Variants in FRZB observed in about 807,000 individuals in gnomAD.
FRZB encodes frizzled related protein.
Under a neutral mutation model 32.5 loss-of-function variants are expected in FRZB, and 34 were observed. That is an observed-to-expected ratio of 1.05 (90% CI 0.80 to 1.39). The LOEUF is 1.39. FRZB is among the 40% of genes most tolerant of loss of function. The pLI is 0.00. For synonymous variants in FRZB, 170 were observed against 159.2 expected, an observed-to-expected ratio of 1.07 and a Z score of -0.51; for missense variants, 423 against 424.8, an observed-to-expected ratio of 1.00 and a Z score of 0.04.
intron 1 of FRZB, among the ~76,000 whole-genome samples, chr2:182,862,510 A>G (rs146960359): frequency 6.6e-6 from 1 of 152,216 alleles, no homozygotes; most frequent in Admixed American, 6.5e-5. Flanking sequence ...CTAACTTTAT[A>G]TATTTAGAAG....
chr2:182,852,725 C>G (rs556851511), intron 2 of FRZB, among the ~76,000 whole-genome samples: 4 of 152,260 alleles, frequency 2.6e-5, no homozygotes, highest in South Asian at 2.1e-4. Flanking sequence ...GATCAAGTGA[C>G]TAGGTGAAAT....
rs12613404 is a variant in FRZB at position 182,853,430 on chromosome 2, C to A, written c.526+5356G>T. Among the ~76,000 whole-genome samples, 575 of 152,246 alleles carry A rather than the reference C, an allele frequency of 3.8e-3. 4 individuals carry two copies. Among genetic ancestry groups the A allele is most frequent in the East Asian group, 0.023 (118 of 5,186 alleles). Reference sequence around the variant, plus strand: ...CCAATTGCAGTTTTATACAAATGAGCTTTTCAGTTCGGGTTGAGAAAACAT... The same window carrying A: ...CCAATTGCAGTTTTATACAAATGAGATTTTCAGTTCGGGTTGAGAAAACAT... On this transcript the variant is annotated intron_variant, in intron 2 of 5. Transcript: ENST00000295113.
chr2:182,865,810 G>A (rs2105766683), intron 1 of FRZB, among the ~76,000 whole-genome samples: 1 of 152,320 alleles, frequency 6.6e-6, no homozygotes, highest in Non-Finnish European at 1.5e-5. Context: ...GATGGGTTTG[G>A]AATGCATGGA....
Position 182,866,293 on chromosome 2 carries a change from A to G in FRZB, c.260T>C (p.Phe87Ser). 17 of 1,614,164 alleles carry G rather than the reference A, an allele frequency of 1.1e-5. No homozygotes were observed. The highest frequency in any genetic ancestry group is 1.4e-5 in the Non-Finnish European group (16 of 1,180,024). Residue 87 changes from phenylalanine (F) to serine (S), a missense_variant, in exon 1 of 6, where the codon TTC becomes TCC. Physicochemically the swap from Phe to Ser is radical, Grantham distance 155 (BLOSUM62 -2). Transcript: ENST00000295113. The surrounding 1 kb of genome is among the most constrained non-coding windows in gnomAD (Gnocchi z 4.5). ...GTHCSPDLLF[F>S]LCAMYAPICT... is the part of the protein sequence containing the mutation. ...GATGGGCGCGTACATGGCACAGAGG[A>G]AGAAGAGCAGATCGGGGCTGCAGTG...
chr2:182,837,884 T>C (rs1695544720), intron 5 of FRZB, 64 bp downstream of exon 5: 3 of 1,249,214 alleles, frequency 2.4e-6, no homozygotes, highest in Non-Finnish European at 3.5e-6. Flanking sequence ...CAATGACAGA[T>C]GGCTGGTTTT....
chr2:182,843,693 TG>T (rs1044327410), intron 2 of FRZB, among the ~76,000 whole-genome samples: 24 of 152,024 alleles, frequency 1.6e-4, no homozygotes, highest in Admixed American at 7.9e-4. Flanking sequence ...GAGGCCAACA[TG>T]GTGGGGGAAA....
At position 182,866,406 on chromosome 2, in the gene FRZB, G is replaced by A. The variant is rs1352591322; in HGVS notation, c.147C>T (p.Asn49=). 13 of 1,610,956 alleles carry A rather than the reference G, an allele frequency of 8.1e-6. No individual in the cohort carries two copies. Among genetic ancestry groups the A allele is most frequent in the Non-Finnish European group, 1.1e-5 (13 of 1,177,934 alleles). ...RIPLCKSLPW[N]MTKMPNHLHH... ...GCAGGTGGTTGGGCATCTTAGTCATGTTCCAGGGCAGGGACTTGCACAGGG... is the reference window on the plus strand; with the variant it reads ...GCAGGTGGTTGGGCATCTTAGTCATATTCCAGGGCAGGGACTTGCACAGGG... The change falls in exon 1 of 6, where the codon AAC becomes AAT. Residue 49 remains asparagine, a synonymous_variant. Transcript: ENST00000295113. The surrounding 1 kb of genome is among the most constrained non-coding windows in gnomAD (Gnocchi z 4.5).
chr2:182,834,811 AT>A lies in FRZB; in HGVS notation c.*37del. ...AGTCCAGCAATGCAAGTAAGTCTTAATAGGAAGTCCACTGTGTTACTTTTTG... is the reference window on the plus strand; with the variant it reads ...AGTCCAGCAATGCAAGTAAGTCTTAAAGGAAGTCCACTGTGTTACTTTTTG... On this transcript the variant is annotated 3_prime_UTR_variant, in exon 6 of 6. Coordinates refer to ENST00000295113, the MANE Select transcript of FRZB (RefSeq NM_001463.4). 2.1e-6 allele frequency: 3 copies of A among 1,429,880 alleles called. No homozygotes were observed. The highest frequency in any genetic ancestry group is 3.0e-6 in the Non-Finnish European group (3 of 1,012,794). The allele number at this position is 1,429,880 out of a possible 1,614,324, so 88.6% of individuals were successfully genotyped here.
intron 2 of FRZB, among the ~76,000 whole-genome samples, chr2:182,849,190 G>A (rs374036097): frequency 3.9e-4 from 60 of 151,930 alleles, no homozygotes; most frequent in African/African-American, 1.4e-3. Flanking sequence ...TCGCGCCACT[G>A]CACTCCAGCC....
At chr2:182,842,244 G>A (rs1389427296) in intron 3 of FRZB, among the ~76,000 whole-genome samples, 1 of 152,144 alleles carries the variant, frequency 6.6e-6, no homozygotes, top group African/African-American at 2.4e-5. Context: ...CATGGCTCTA[G>A]GATGACAATA....
intron 1 of FRZB, among the ~76,000 whole-genome samples, chr2:182,864,593 G>A (rs1695869893): frequency 6.6e-6 from 1 of 152,242 alleles, no homozygotes; most frequent in Non-Finnish European, 1.5e-5. Context: ...GATAAACTAA[G>A]TGAGGTCACC....
rs541564082 is a variant in FRZB at position 182,866,319 on chromosome 2, G to C, written c.234C>G (p.Thr78=). 1.2e-6 allele frequency: 2 copies of C among 1,614,248 alleles called. No individual in the cohort carries two copies. Residue 78 remains threonine, a synonymous_variant, in exon 1 of 6, where the codon ACC becomes ACG. Coordinates refer to ENST00000295113, the MANE Select transcript of FRZB (RefSeq NM_001463.4). The surrounding 1 kb of genome is among the most constrained non-coding windows in gnomAD (Gnocchi z 4.5). ...AGAAGAGCAGATCGGGGCTGCAGTG[G>C]GTGCCCAGCAGACCTTCGAACTGCT... ...AIEQFEGLLG[T]HCSPDLLFFL...
At chr2:182,853,441 G>A (rs1297498771) in intron 2 of FRZB, among the ~76,000 whole-genome samples, 4 of 152,022 alleles carry the variant, frequency 2.6e-5, no homozygotes, top group African/African-American at 9.7e-5. Flanking sequence ...TTTTCAGTTC[G>A]GGTTGAGAAA....
intron 3 of FRZB, among the ~76,000 whole-genome samples, chr2:182,839,119 T>C (rs1218002641): frequency 6.6e-6 from 1 of 152,078 alleles, no homozygotes; most frequent in Admixed American, 6.6e-5. Flanking sequence ...GCCTCTGTAA[T>C]GTTATAAAAT....
Position 182,866,213 on chromosome 2 carries a change from GC to G in FRZB, c.339del (p.Glu113AspfsTer94). 6.2e-7 allele frequency: 1 copy of G among 1,614,194 alleles called. No individual in the cohort carries two copies. Among genetic ancestry groups the G allele is most frequent in the Non-Finnish European group, 8.5e-7 (1 of 1,180,028 alleles). On this transcript the variant is annotated frameshift_variant, in exon 1 of 6. Transcript: ENST00000295113. LOFTEE classifies it high-confidence loss of function. This position sits in a 1 kb window ranked among gnomAD's most constrained non-coding sequence, Gnocchi z 4.5. Reference protein sequence around the residue: ...EPIKPCKSVCERARQGCEPIL... With the variant: ...EPIKPCKSVCXRARQGCEPIL... ...ATGGGCTCACAGCCCTGCCGGGCCC[GC>G]TCGCACACAGACTTACAGGGCTTGA...
At chr2:182,865,197 A>T (rs951595772) in intron 1 of FRZB, among the ~76,000 whole-genome samples, 4 of 151,392 alleles carry the variant, frequency 2.6e-5, no homozygotes, top group South Asian at 2.1e-4. Flanking sequence ...ATTAAAGACA[A>T]TTTTTTTTTC....
chr2:182,852,692 A>G (rs1695722338), intron 2 of FRZB, among the ~76,000 whole-genome samples: 1 of 152,140 alleles, frequency 6.6e-6, no homozygotes, highest in Non-Finnish European at 1.5e-5. Flanking sequence ...ATCTGCTTTA[A>G]TTTTCTGTGT....
intron 2 of FRZB, among the ~76,000 whole-genome samples, chr2:182,851,663 CAAAACAAAACAA>C (rs1227754560): frequency 6.7e-6 from 1 of 148,234 alleles, no homozygotes; most frequent in Non-Finnish European, 1.5e-5. Context: ...CTCAAAAAAA[CAAAACAAAACAA>C]AAAACAAAAA....
intron 1 of FRZB, among the ~76,000 whole-genome samples, chr2:182,860,630 G>A (rs947691870): frequency 6.6e-6 from 1 of 152,104 alleles, no homozygotes; most frequent in East Asian, 1.9e-4. Flanking sequence ...GCACTGCGAG[G>A]CCAAGGCAGG....
Sources: allele counts gnomAD v4.1 joint callset (sites outside exome capture counted in the v4.1 genomes callset), GRCh38; gene constraint gnomAD v4.1.1; non-coding constraint Gnocchi (gnomAD v3.1); transcripts MANE v1.5; gene names NCBI Gene and HGNC (gene_info 2026-07-23, HGNC 2026-07-21).